Variants in FANCI observed in about 807,000 individuals in gnomAD.
The protein encoded by FANCI is Fanconi anemia group I protein.
Under a neutral mutation model 176.1 loss-of-function variants are expected in FANCI, and 156 were observed. That is an observed-to-expected ratio of 0.89 (90% CI 0.78 to 1.01). The LOEUF is 1.01. Among genes scored for constraint, FANCI ranks in the 50% least tolerant of loss-of-function variants. The probability of loss-of-function intolerance (pLI) is 0.00; values close to 1 mark genes in which losing one functional copy is unlikely to be tolerated. For missense variants in FANCI, 1,678 were observed against 1,534.1 expected (o/e 1.09, Z -1.57); for synonymous variants, 613 against 541.7 (o/e 1.13, Z -1.83).
At chr15:89,253,856 A>C (rs1428753646) in intron 2 of FANCI, among the ~76,000 whole-genome samples, 1 of 151,978 alleles carries the variant, frequency 6.6e-6, no homozygotes, top group African/African-American at 2.4e-5. Flanking sequence ...TAAAAGATAT[A>C]TAAAAATGGC....
In FANCI at chr15:89,316,765, G is replaced by A. The variant is rs2055280300; in HGVS notation, c.*306G>A. On this transcript the variant is annotated 3_prime_UTR_variant, in exon 38 of 38. Transcript: ENST00000310775. Reference sequence around the variant, plus strand: ...TCCAGGCAGTGCTATGGTCCAGGCTGGCTTCGTTTTTCCAAGGAGCCTTTG... The same window carrying A: ...TCCAGGCAGTGCTATGGTCCAGGCTAGCTTCGTTTTTCCAAGGAGCCTTTG... 1 of 1,613,306 alleles carries A rather than the reference G, an allele frequency of 6.2e-7. No homozygotes were observed. The highest frequency in any genetic ancestry group is 8.5e-7 in the Non-Finnish European group (1 of 1,179,212).
chr15:89,264,680 A>G, intron 9 of FANCI, 73 bp downstream of exon 9: 1 of 1,388,644 alleles, frequency 7.2e-7, no homozygotes, highest in East Asian at 2.5e-5. Context: ...TAGCTATTTC[A>G]TTTTCTTCTC....
chr15:89,276,567 C>G (rs530326923), intron 12 of FANCI, 144 bp from the exon 13 acceptor site: 2 of 831,302 alleles, frequency 2.4e-6, no homozygotes, highest in Non-Finnish European at 3.8e-6. Flanking sequence ...TTCTGTCAGA[C>G]GATGTGTGTA....
chr15:89,306,674 AGAGT>A (rs377545315), intron 32 of FANCI, among the ~76,000 whole-genome samples: 34 of 152,314 alleles, frequency 2.2e-4, no homozygotes, highest in African/African-American at 7.9e-4. Flanking sequence ...CGTTGGCAAT[AGAGT>A]GAGACTCCAT....
chr15:89,258,889 G>A, intron 3 of FANCI, 113 bp downstream of exon 3: 1 of 835,310 alleles, frequency 1.2e-6, no homozygotes, highest in Admixed American at 1.9e-5. Flanking sequence ...TCCATGTTTT[G>A]AGGATTCTAC....
At chr15:89,313,985 A>T (rs1240727832) in intron 35 of FANCI, among the ~76,000 whole-genome samples, 3 of 150,942 alleles carry the variant, frequency 2.0e-5, no homozygotes, top group African/African-American at 7.4e-5. Flanking sequence ...ACACACACAC[A>T]CACACACACA....
intron 28 of FANCI, among the ~76,000 whole-genome samples, chr15:89,304,140 T>G (rs866335263): frequency 2.6e-5 from 4 of 152,216 alleles, no homozygotes; most frequent in African/African-American, 9.6e-5. Context: ...TATGGAAAAC[T>G]GTTCAGCAAT....
rs758191165 is a variant in FANCI at position 89,290,262 on chromosome 15, T to G, written c.1871T>G (p.Met624Arg). The G allele has an allele frequency of 1.1e-5, 17 of 1,613,590 alleles. No individual in the cohort carries two copies. Among genetic ancestry groups the G allele is most frequent in the Non-Finnish European group, 1.4e-5 (16 of 1,179,504 alleles). The change falls in exon 19 of 38, where the codon ATG (methionine) becomes AGG (arginine). Residue 624 changes from methionine (M) to arginine (R), a missense_variant. By Grantham distance (91) the Met-to-Arg change is moderately conservative. Around this residue, in one of 3 missense-constraint regions of FANCI, gnomAD observed 1,204 missense variants for 1,077.4 expected, o/e 1.12. Transcript: ENST00000310775. ...RRNSQLANSV[M>R]QTLLSQLKQF... Reference sequence around the variant, plus strand: ...AACTCTCAGCTGGCTAATTCAGTCATGCAAACTCTGCTCTCACAGGTAAAA... The same window carrying G: ...AACTCTCAGCTGGCTAATTCAGTCAGGCAAACTCTGCTCTCACAGGTAAAA...
chr15:89,246,307 T>C (rs551968061), intron 1 of FANCI, among the ~76,000 whole-genome samples: 1 of 152,354 alleles, frequency 6.6e-6, no homozygotes, highest in East Asian at 1.9e-4. Context: ...CCAAATGGTC[T>C]CTTAGCATTT....
chr15:89,281,721 A>G (rs548236362), intron 15 of FANCI, 44 bp from the exon 16 acceptor site: 39 of 1,579,690 alleles, frequency 2.5e-5, no homozygotes, highest in Non-Finnish European at 3.3e-5. Context: ...ACCTAAGGCT[A>G]ATAAGCAAAC....
chr15:89,245,366 T>TC (rs2051916338), intron 1 of FANCI: 1 of 120,480 alleles, frequency 8.3e-6, no homozygotes. Context: ...TTTTTTTTTT[T>TC]TTTTGTATTT....
In FANCI at chr15:89,278,797, A is replaced by G. The variant is rs74956421; in HGVS notation, c.1381+23A>G. 1,301 of 1,581,360 alleles carry G rather than the reference A, an allele frequency of 8.2e-4. 11 individuals are homozygous for G. In the African/African-American group the frequency reaches 0.014, roughly 17 times the overall value. On this transcript the variant is annotated intron_variant, in intron 14 of 37. Transcript: ENST00000310775. Reference sequence around the variant, plus strand: ...TAGGTATTCAACTTTGAAAGAATGAATAAAGTTTTTAGAAATATTTTCATT... The same window carrying G: ...TAGGTATTCAACTTTGAAAGAATGAGTAAAGTTTTTAGAAATATTTTCATT...
At chr15:89,255,115 T>G (rs1012077773) in intron 2 of FANCI, among the ~76,000 whole-genome samples, 1 of 152,226 alleles carries the variant, frequency 6.6e-6, no homozygotes, top group Non-Finnish European at 1.5e-5. Context: ...TCCTACACTC[T>G]GCAATAGTTC....
chr15:89,284,008 G>A (rs371915036), intron 17 of FANCI, among the ~76,000 whole-genome samples: 10 of 152,046 alleles, frequency 6.6e-5, no homozygotes, highest in African/African-American at 2.4e-4. Flanking sequence ...TGATCCACCC[G>A]CCTCGGCCTC....
chr15:89,263,608 CT>C (rs2052810716), intron 7 of FANCI, 148 bp downstream of exon 7: 1 of 809,540 alleles, frequency 1.2e-6, no homozygotes, highest in African/African-American at 1.7e-5. Context: ...CACAGATTCC[CT>C]CCTCACTCCT....
chr15:89,287,401 C>T (rs1432167043), intron 18 of FANCI, among the ~76,000 whole-genome samples: 1 of 152,194 alleles, frequency 6.6e-6, no homozygotes, highest in Non-Finnish European at 1.5e-5. Flanking sequence ...GAGTTTGGTC[C>T]TTGCTCTGGA....
intron 2 of FANCI, among the ~76,000 whole-genome samples, chr15:89,253,795 G>T (rs1275660858): frequency 1.5e-5 from 2 of 136,896 alleles, no homozygotes; most frequent in South Asian, 5.2e-4. Flanking sequence ...GTGGGGGGGG[G>T]GGGGAAGATA....
intron 24 of FANCI, among the ~76,000 whole-genome samples, chr15:89,297,580 G>A (rs1262785912): frequency 1.3e-5 from 2 of 152,148 alleles, no homozygotes; most frequent in East Asian, 1.9e-4. Context: ...CCAACACAGC[G>A]AAACCCCGTC....
chr15:89,308,295 T>G (rs1394600044), intron 34 of FANCI: 5 of 472,420 alleles, frequency 1.1e-5, no homozygotes, highest in Non-Finnish European at 1.4e-5. Context: ...AGCAGCCCCC[T>G]AGTTTTAACA....
Sources: allele counts gnomAD v4.1 joint callset (sites outside exome capture counted in the v4.1 genomes callset), GRCh38; gene constraint gnomAD v4.1.1; regional missense constraint gnomAD v4.1.1; transcripts MANE v1.5; gene names NCBI Gene and HGNC (gene_info 2026-07-23, HGNC 2026-07-21).